The following FANCB variants were observed in gnomAD, a reference collection of about 807,000 sequenced individuals.
FANCB encodes FA complementation group B.
A neutral mutation model predicts 38.9 loss-of-function variants in FANCB; 5 were observed. That is an observed-to-expected ratio of 0.13 (90% CI 0.07 to 0.27). The LOEUF (loss-of-function observed/expected upper bound fraction) is 0.27. FANCB is among the 10% of genes least tolerant of loss of function. The pLI, the probability that FANCB is intolerant of heterozygous loss-of-function variation, is 1.00. For missense variants in FANCB, 573 were observed against 602.7 expected (o/e 0.95, Z 0.52); for synonymous variants, 236 against 215.4 (o/e 1.10, Z -0.84).
chrX:14,856,941 T>G (rs1315154461), intron 5 of FANCB, among the ~76,000 whole-genome samples: 1 of 112,106 alleles, frequency 8.9e-6, no homozygotes, highest in Non-Finnish European at 1.9e-5. Context: ...GCAAATAAGA[T>G]TAAGGGATCA....
chrX:14,748,622 T>C, the FANCB span, among the ~76,000 whole-genome samples: 1 of 112,681 alleles, frequency 8.9e-6, no homozygotes, highest in East Asian at 2.8e-4. Context: ...ACTTCCTTCT[T>C]GGAAATAGAC....
the FANCB span, among the ~76,000 whole-genome samples, chrX:14,810,264 C>T: frequency 8.9e-6 from 1 of 112,250 alleles, no homozygotes; most frequent in Non-Finnish European, 1.9e-5. Context: ...AGCGCCTCTC[C>T]TCCTCCAAAG....
At chrX:14,810,961 G>A in the FANCB span, among the ~76,000 whole-genome samples, 2 of 111,029 alleles carry the variant, frequency 1.8e-5, no homozygotes, top group Admixed American at 9.6e-5. Context: ...GACTAACAGC[G>A]GATCTCTCGG....
At chrX:14,730,464 T>C in the FANCB span, 5 of 1,203,794 alleles carry the variant, frequency 4.2e-6, no homozygotes, top group Non-Finnish European at 5.6e-6. Flanking sequence ...TCATTCGGCA[T>C]GAAGATGTCC....
chrX:14,816,311 G>A, the FANCB span, among the ~76,000 whole-genome samples: 12 of 111,204 alleles, frequency 1.1e-4, no homozygotes, highest in African/African-American at 3.9e-4. Flanking sequence ...AGGCAAAGAA[G>A]GAAAAATAAA....
the FANCB span, among the ~76,000 whole-genome samples, chrX:14,802,697 T>G: frequency 1.8e-5 from 2 of 111,255 alleles, no homozygotes; most frequent in African/African-American, 6.6e-5. Context: ...AGATGAAAAT[T>G]TTAAAAATTG....
chrX:14,767,346 C>T, the FANCB span, among the ~76,000 whole-genome samples: 1 of 111,829 alleles, frequency 8.9e-6, no homozygotes, highest in African/African-American at 3.3e-5. Context: ...ACCTTGTCAG[C>T]ATCTGTTGTT....
At chrX:14,704,352 A>G in the FANCB span, among the ~76,000 whole-genome samples, 7 of 112,306 alleles carry the variant, frequency 6.2e-5, no homozygotes, top group Non-Finnish European at 3.8e-5. Context: ...TAATTGGTGT[A>G]AGATTCTTTT....
chrX:14,698,050 C>T, the FANCB span, among the ~76,000 whole-genome samples: 1 of 111,275 alleles, frequency 9.0e-6, no homozygotes, highest in Non-Finnish European at 1.9e-5. Flanking sequence ...TCTCAATTTA[C>T]AGATGAGGAA....
chrX:14,844,106 A>G (rs2092364941), intron 9 of FANCB, 125 bp from the exon 10 acceptor site: 1 of 541,332 alleles, frequency 1.8e-6, no homozygotes, highest in Non-Finnish European at 2.9e-6. Context: ...AGAACCAATT[A>G]TGTACGTGAG....
chrX:14,809,859 A>C, the FANCB span, among the ~76,000 whole-genome samples: 8 of 112,543 alleles, frequency 7.1e-5, no homozygotes, highest in African/African-American at 2.6e-4. Flanking sequence ...TGGAGATCTG[A>C]GAACGGGCAG....
At chrX:14,730,532 G>C in the FANCB span, 1 of 755,145 alleles carries the variant, frequency 1.3e-6, no homozygotes, top group Non-Finnish European at 1.8e-6. Context: ...TGTTGTGCTT[G>C]TAAATACACA....
intron 7 of FANCB, among the ~76,000 whole-genome samples, chrX:14,850,032 G>T (rs1444864646): frequency 8.9e-6 from 1 of 111,860 alleles, no homozygotes; most frequent in African/African-American, 3.3e-5. Flanking sequence ...ATAATGTTTT[G>T]GATATATTGG....
chrX:14,869,183 G>A (rs2092484124), intron 1 of FANCB, 140 bp from the exon 2 acceptor site: 2 of 111,946 alleles, frequency 1.8e-5, no homozygotes, highest in South Asian at 3.6e-4. Context: ...CTGAGGTAAA[G>A]CTCTAAGAAT....
the FANCB span, among the ~76,000 whole-genome samples, chrX:14,753,515 T>C: frequency 2.7e-5 from 3 of 112,193 alleles, no homozygotes; most frequent in Non-Finnish European, 3.8e-5. Context: ...GTGGTTCAGC[T>C]AGATGCTTCT....
intron 9 of FANCB, 56 bp downstream of exon 9, chrX:14,844,447 G>T: frequency 1.2e-6 from 1 of 851,355 alleles, no homozygotes; most frequent in South Asian, 2.0e-5. Flanking sequence ...ACCACACATT[G>T]ATCACACTCA....
intron 2 of FANCB, among the ~76,000 whole-genome samples, chrX:14,867,762 C>CAA (rs55818806): frequency 2.5e-5 from 1 of 40,509 alleles, no homozygotes; most frequent in Non-Finnish European, 5.0e-5. Context: ...TTTGCCCAGC[C>CAA]AAAAAAAAAA....
chrX:14,720,144 A>G, the FANCB span, among the ~76,000 whole-genome samples: 1 of 111,340 alleles, frequency 9.0e-6, no homozygotes, highest in South Asian at 3.8e-4. Context: ...AGTAAACAAT[A>G]ATTTATTGTA....
At chrX:14,847,675 C>A (rs2092382755) in intron 7 of FANCB, among the ~76,000 whole-genome samples, 1 of 109,210 alleles carries the variant, frequency 9.2e-6, no homozygotes, top group African/African-American at 3.3e-5. Context: ...GAAATCTGCA[C>A]TTAATCATGT....
Sources: gnomAD v4.1 joint callset for allele counts (sites outside exome capture counted in the v4.1 genomes callset) on GRCh38, gnomAD v4.1.1 for gene constraint, MANE v1.5 for transcripts, NCBI Gene and HGNC (gene_info 2026-07-23, HGNC 2026-07-21) for gene names.